RNF175: variants seen among roughly 807,000 people sequenced by gnomAD.
RNF175 encodes the protein ring finger protein 175.
Under a neutral mutation model 50.0 loss-of-function variants are expected in RNF175, and 38 were observed. The ratio of observed to expected loss-of-function variants is 0.76; its 90% CI spans 0.59 to 1.00. The LOEUF is 1.00. RNF175 is among the 50% of genes least tolerant of loss of function. RNF175 has a pLI of 0.00. For missense variants in RNF175, 388 were observed against 409.6 expected (o/e 0.95, Z 0.46); for synonymous variants, 155 against 146.1 (o/e 1.06, Z -0.44).
chr4:153,734,109 G>A (rs1739200997), intron 3 of RNF175, among the ~76,000 whole-genome samples: 2 of 152,174 alleles, frequency 1.3e-5, no homozygotes, highest in Non-Finnish European at 2.9e-5. Context: ...AGCTTTTAAA[G>A]GATATCTTGG....
At chr4:153,759,540 G>C (rs935981855) in intron 1 of RNF175, among the ~76,000 whole-genome samples, 3 of 152,190 alleles carry the variant, frequency 2.0e-5, no homozygotes, top group Non-Finnish European at 4.4e-5. Flanking sequence ...TGGAGCGAAG[G>C]AAGAGGATCA....
At position 153,748,771 on chromosome 4, in the gene RNF175, C is replaced by T; in HGVS notation, c.120G>A (p.Arg40=). 6.2e-7 allele frequency: 1 copy of T among 1,612,390 alleles called. No individual in the cohort carries two copies. The highest frequency in any genetic ancestry group is 8.5e-7 in the Non-Finnish European group (1 of 1,179,282). Residue 40 remains arginine (R), a synonymous_variant, in exon 3 of 9, where the codon AGG becomes AGA. Coordinates refer to ENST00000347063, the MANE Select transcript of RNF175 (RefSeq NM_173662.4). ...AEDTWNLQQE[R]MYKMHRGHDS... ...CGTGGCCCCGGTGCATCTTGTACAT[C>T]CTCTCCTGCTGCAGGCTGGAACCAG...
chr4:153,732,237 A>AC (rs1739083588), intron 3 of RNF175, among the ~76,000 whole-genome samples: 3 of 152,064 alleles, frequency 2.0e-5, no homozygotes, highest in Non-Finnish European at 2.9e-5. Context: ...GTCTCAAAAA[A>AC]AAAAAACAAA....
chr4:153,726,815 T>G (rs1738725364), intron 4 of RNF175, among the ~76,000 whole-genome samples: 1 of 152,214 alleles, frequency 6.6e-6, no homozygotes, highest in Non-Finnish European at 1.5e-5. Flanking sequence ...CAGCTGAGTT[T>G]GCTTTATAAA....
chr4:153,717,330 T>C (rs1032018458), intron 6 of RNF175, among the ~76,000 whole-genome samples: 1 of 152,302 alleles, frequency 6.6e-6, no homozygotes, highest in East Asian at 1.9e-4. Flanking sequence ...CAGGCTTATA[T>C]TGTGTATTCT....
chr4:153,750,596 C>T (rs1448751435), intron 2 of RNF175, among the ~76,000 whole-genome samples: 1 of 152,142 alleles, frequency 6.6e-6, no homozygotes, highest in African/African-American at 2.4e-5. Context: ...AATTACGTGG[C>T]TCTTAGTCTC....
At chr4:153,748,164 A>G (rs1740079736) in intron 3 of RNF175, among the ~76,000 whole-genome samples, 1 of 152,236 alleles carries the variant, frequency 6.6e-6, no homozygotes, top group African/African-American at 2.4e-5. Context: ...AATCTCCAAC[A>G]CAAGAACTTT....
intron 5 of RNF175, chr4:153,721,349 C>T (rs1384703129): frequency 6.6e-6 from 1 of 152,162 alleles, no homozygotes; most frequent in Non-Finnish European, 1.5e-5. Context: ...TGGGTAGTCT[C>T]TCTCTAAAAC....
At chr4:153,736,365 A>C (rs1428597715) in intron 3 of RNF175, among the ~76,000 whole-genome samples, 3 of 152,170 alleles carry the variant, frequency 2.0e-5, no homozygotes, top group Non-Finnish European at 4.4e-5. Flanking sequence ...TTGCTCTGCT[A>C]ATATTTTGAT....
chr4:153,731,364 G>A (rs1173866880), intron 3 of RNF175, among the ~76,000 whole-genome samples: 1 of 152,126 alleles, frequency 6.6e-6, no homozygotes, highest in Non-Finnish European at 1.5e-5. Flanking sequence ...CATTAATAAT[G>A]CCACAGGGGT....
At chr4:153,734,232 A>G (rs1325873508) in intron 3 of RNF175, among the ~76,000 whole-genome samples, 1 of 152,220 alleles carries the variant, frequency 6.6e-6, no homozygotes, top group Admixed American at 6.5e-5. Flanking sequence ...TAGAGTGATT[A>G]TATAGTAAGC....
At chr4:153,751,782 A>G (rs1451531755) in intron 1 of RNF175, among the ~76,000 whole-genome samples, 5 of 152,220 alleles carry the variant, frequency 3.3e-5, no homozygotes, top group African/African-American at 9.6e-5. Flanking sequence ...TGGTCTCCCA[A>G]TAGGCCATGC....
chr4:153,718,222 GTT>G (rs1460898288), intron 6 of RNF175, among the ~76,000 whole-genome samples: 2 of 37,540 alleles, frequency 5.3e-5, no homozygotes, highest in Non-Finnish European at 7.1e-5. Context: ...TTTTTTGTTT[GTT>G]TGTTTGTTTG....
intron 3 of RNF175, among the ~76,000 whole-genome samples, chr4:153,733,368 T>A (rs1368203561): frequency 6.6e-6 from 1 of 152,214 alleles, no homozygotes; most frequent in Non-Finnish European, 1.5e-5. Context: ...ACTTCCTACT[T>A]TTTTTCTAAC....
chr4:153,716,660 T>C (rs556287719), intron 6 of RNF175, among the ~76,000 whole-genome samples: 2 of 152,234 alleles, frequency 1.3e-5, no homozygotes, highest in Non-Finnish European at 2.9e-5. Context: ...AGTTTCCCTA[T>C]ATTATTATTA....
intron 1 of RNF175, among the ~76,000 whole-genome samples, chr4:153,752,933 TA>T (rs1049052625): frequency 6.0e-5 from 9 of 151,146 alleles, no homozygotes; most frequent in Non-Finnish European, 1.3e-4. Context: ...TAACTGTGTT[TA>T]AAAAAAAAGT....
intron 1 of RNF175, 136 bp from the exon 2 acceptor site, chr4:153,751,611 C>G: frequency 1.6e-6 from 1 of 641,830 alleles, no homozygotes; most frequent in Non-Finnish European, 2.7e-6. Flanking sequence ...GGATAAAAGT[C>G]CTAGTAAAAT....
chr4:153,730,554 T>C (rs940223325), intron 3 of RNF175, among the ~76,000 whole-genome samples: 1 of 152,236 alleles, frequency 6.6e-6, no homozygotes, highest in African/African-American at 2.4e-5. Context: ...TAAAAGATCA[T>C]TACTTCTGGT....
intron 3 of RNF175, among the ~76,000 whole-genome samples, chr4:153,742,661 T>C (rs1739734430): frequency 6.6e-6 from 1 of 152,194 alleles, no homozygotes; most frequent in Admixed American, 6.5e-5. Context: ...TAATTAGTTA[T>C]ATGCCCTTGG....
Sources: gnomAD v4.1 joint callset for allele counts (sites outside exome capture counted in the v4.1 genomes callset) on GRCh38, gnomAD v4.1.1 for gene constraint, MANE v1.5 for transcripts, NCBI Gene and HGNC (gene_info 2026-07-23, HGNC 2026-07-21) for gene names.